Variants in AK5 observed in about 807,000 individuals in gnomAD.
The protein encoded by AK5 is adenylate kinase isoenzyme 5.
In AK5, 27 loss-of-function variants were observed where a neutral mutation model predicts 69.5. The ratio of observed to expected loss-of-function variants is 0.39; its 90% CI spans 0.29 to 0.54. The LOEUF is 0.54. Among genes scored for constraint, AK5 ranks in the 20% least tolerant of loss-of-function variants. The pLI, the probability that AK5 is intolerant of heterozygous loss-of-function variation, is 0.71. For missense variants in AK5, 531 were observed against 700.4 expected (o/e 0.76, Z 2.73); for synonymous variants, 260 against 244.4 (o/e 1.06, Z -0.60).
At chr1:77,496,397 C>G (rs1285026950) in intron 10 of AK5, among the ~76,000 whole-genome samples, 1 of 152,170 alleles carries the variant, frequency 6.6e-6, no homozygotes, top group African/African-American at 2.4e-5. Context: ...GGCTTTTACT[C>G]AGTGACACAT....
chr1:77,342,033 G>T (rs903880547), intron 6 of AK5, among the ~76,000 whole-genome samples: 6 of 152,024 alleles, frequency 3.9e-5, no homozygotes, highest in Non-Finnish European at 8.8e-5. Flanking sequence ...CAAGTAGCTG[G>T]GATTACAGGT....
At position 77,287,015 on chromosome 1, in the gene AK5, A is replaced by G; in HGVS notation, c.135A>G (p.Val45=). 1 of 1,609,586 alleles carries G rather than the reference A, an allele frequency of 6.2e-7. No homozygotes were observed. The change falls in exon 2 of 14, where the codon GTA becomes GTG. Residue 45 remains valine, a synonymous_variant. Transcript: ENST00000354567. ...VEYLESCLQK[V]KELGGCDKVK... is the part of the protein sequence containing the mutation. The stretch of plus-strand genomic sequence containing the variant: ...ACTTGGAAAGTTGTTTACAAAAAGT[A>G]AAGGAACTGGGTGGCTGTGACAAGG...
chr1:77,366,484 C>A (rs1481328474), intron 6 of AK5, among the ~76,000 whole-genome samples: 2 of 152,124 alleles, frequency 1.3e-5, no homozygotes, highest in Non-Finnish European at 2.9e-5. Context: ...GTTCACACAG[C>A]AAGTGAGTGA....
chr1:77,440,265 A>G (rs1019996162), intron 8 of AK5, among the ~76,000 whole-genome samples: 1 of 152,132 alleles, frequency 6.6e-6, no homozygotes, highest in Non-Finnish European at 1.5e-5. Context: ...TTCTTGACTG[A>G]CAATTTTTTG....
In AK5 at chr1:77,544,336, G is replaced by C. The variant is rs181350986; in HGVS notation, c.1620+8298G>C. On this transcript the variant is annotated intron_variant, in intron 13 of 13. Coordinates refer to ENST00000354567, the MANE Select transcript of AK5 (RefSeq NM_174858.3). ...TATAAATGCTGTACAGTTAGGCTAT[G>C]CTACATTTGTAAAATATTTTTCTTT... Among the ~76,000 whole-genome samples the C allele has an allele frequency of 1.6e-4, 25 of 152,234 alleles. No homozygotes were observed. The East Asian group carries it at 4.3e-3, about 26-fold the overall frequency.
chr1:77,368,378 A>C (rs1264902714), intron 6 of AK5, among the ~76,000 whole-genome samples: 1 of 144,574 alleles, frequency 6.9e-6, no homozygotes, highest in African/African-American at 2.5e-5. Flanking sequence ...ACACACACAC[A>C]CCTTATACAC....
chr1:77,549,821 A>C (rs1279919936), intron 13 of AK5, among the ~76,000 whole-genome samples: 1 of 151,580 alleles, frequency 6.6e-6, no homozygotes, highest in Non-Finnish European at 1.5e-5. Flanking sequence ...TATGTGTACC[A>C]CATTTTCTTT....
intron 1 of AK5, among the ~76,000 whole-genome samples, chr1:77,285,642 C>G (rs1454973180): frequency 6.6e-6 from 1 of 152,136 alleles, no homozygotes; most frequent in Non-Finnish European, 1.5e-5. Flanking sequence ...TCAGCATTTC[C>G]AAACTGGTAG....
chr1:77,458,137 A>G (rs2100670388), intron 8 of AK5, among the ~76,000 whole-genome samples: 1 of 151,708 alleles, frequency 6.6e-6, no homozygotes, highest in Admixed American at 6.6e-5. Context: ...AAAACAAAAC[A>G]AATGTCAGGG....
At chr1:77,555,023 G>A (rs1475786579) in intron 13 of AK5, among the ~76,000 whole-genome samples, 2 of 152,096 alleles carry the variant, frequency 1.3e-5, no homozygotes, top group African/African-American at 4.8e-5. Flanking sequence ...CTGGGCACCT[G>A]TAATCCCAGC....
At chr1:77,423,547 A>T (rs1400981731) in intron 8 of AK5, among the ~76,000 whole-genome samples, 1 of 152,110 alleles carries the variant, frequency 6.6e-6, no homozygotes, top group African/African-American at 2.4e-5. Context: ...AGGTTACAGG[A>T]CAAACCCTTA....
chr1:77,310,168 T>C (rs9439799), intron 5 of AK5, among the ~76,000 whole-genome samples: 47,347 of 152,030 alleles, frequency 0.31, 7,699 homozygotes, highest in Middle Eastern at 0.33. Context: ...AAAAATGTAT[T>C]CAGTGGTCCA....
At chr1:77,317,085 G>A (rs1325299852) in intron 5 of AK5, among the ~76,000 whole-genome samples, 1 of 152,138 alleles carries the variant, frequency 6.6e-6, no homozygotes, top group African/African-American at 2.4e-5. Context: ...CGCTTTTGAG[G>A]TTGCATTTAA....
intron 6 of AK5, among the ~76,000 whole-genome samples, chr1:77,374,189 C>T (rs1406471036): frequency 6.6e-6 from 1 of 152,152 alleles, no homozygotes; most frequent in African/African-American, 2.4e-5. Flanking sequence ...TTAATTTGCA[C>T]CATTCTCAAT....
At chr1:77,473,007 A>G (rs1168463491) in intron 8 of AK5, among the ~76,000 whole-genome samples, 1 of 152,076 alleles carries the variant, frequency 6.6e-6, no homozygotes, top group African/African-American at 2.4e-5. Context: ...TGATCTTCCC[A>G]TCTCAGGATC....
chr1:77,378,821 A>G (rs1391625460), intron 6 of AK5, among the ~76,000 whole-genome samples: 1 of 152,234 alleles, frequency 6.6e-6, no homozygotes, highest in Non-Finnish European at 1.5e-5. Flanking sequence ...AATGCTTACA[A>G]TCTCTAGGCT....
intron 11 of AK5, among the ~76,000 whole-genome samples, chr1:77,520,618 T>C (rs1657926707): frequency 6.6e-6 from 1 of 152,010 alleles, no homozygotes; most frequent in African/African-American, 2.4e-5. Flanking sequence ...GGTCCTTGAC[T>C]TCATCCAGAT....
chr1:77,487,849 GT>G (rs1655697504), intron 10 of AK5, among the ~76,000 whole-genome samples: 6 of 152,198 alleles, frequency 3.9e-5, no homozygotes, highest in Admixed American at 6.5e-5. Context: ...CTTATTGACT[GT>G]TGGACCCCTG....
At chr1:77,303,033 C>T (rs556479883) in intron 5 of AK5, among the ~76,000 whole-genome samples, 15 of 152,270 alleles carry the variant, frequency 9.9e-5, no homozygotes, top group Non-Finnish European at 2.1e-4. Flanking sequence ...ACTTATGTAA[C>T]TATTGGCTGT....
Sources: gnomAD v4.1 joint callset for allele counts (sites outside exome capture counted in the v4.1 genomes callset) on GRCh38, gnomAD v4.1.1 for gene constraint, MANE v1.5 for transcripts, NCBI Gene and HGNC (gene_info 2026-07-23, HGNC 2026-07-21) for gene names.